The following LUZP1 variants were observed in gnomAD, a reference collection of about 807,000 sequenced individuals.
LUZP1 encodes the protein filamin mechanobinding actin cross-linking protein.
In LUZP1, 25 loss-of-function variants were observed where a neutral mutation model predicts 71.3. The ratio of observed to expected loss-of-function variants is 0.35; its 90% CI spans 0.26 to 0.49. LUZP1 has a LOEUF of 0.49. Among genes scored for constraint, LUZP1 ranks in the 20% least tolerant of loss-of-function variants. The pLI, the probability that LUZP1 is intolerant of heterozygous loss-of-function variation, is 0.99. For synonymous variants in LUZP1, 481 were observed against 506.4 expected (o/e 0.95, Z 0.67); for missense variants, 1,142 against 1,300.8 (o/e 0.88, Z 1.88).
At chr1:23,149,062 CAG>C (rs1049528286) in intron 2 of LUZP1, among the ~76,000 whole-genome samples, 1 of 105,032 alleles carries the variant, frequency 9.5e-6, no homozygotes, top group Non-Finnish European at 1.7e-5. Flanking sequence ...GCCCAGGTGA[CAG>C]AGTGACACCT....
chr1:23,143,938 T>C (rs12086118), intron 2 of LUZP1, among the ~76,000 whole-genome samples: 10 of 152,346 alleles, frequency 6.6e-5, no homozygotes, highest in African/African-American at 2.4e-4. Flanking sequence ...CCTAAAGCTC[T>C]CTTCCATTAC....
At chr1:23,136,423 G>A (rs369894607) in intron 2 of LUZP1, among the ~76,000 whole-genome samples, 2 of 151,656 alleles carry the variant, frequency 1.3e-5, no homozygotes, top group African/African-American at 4.8e-5. Flanking sequence ...CCTGTAGTAA[G>A]AACAAATGAG....
rs1463184417 is a variant in LUZP1, at chr1:23,117,497, C to A, written c.-225-8370G>T. 2.6e-3 allele frequency among the ~76,000 whole-genome samples: 153 copies of A among 59,750 alleles called. 3 individuals are homozygous for A. Among genetic ancestry groups the A allele is most frequent in the Non-Finnish European group, 3.9e-3 (129 of 33,382 alleles). 39.2% of individuals were successfully genotyped at this position (59,750 alleles called of 152,430 possible). ...TCTCTCCCCCCCCCCCCCCCACAATCAGGAAGCCCTGGGGGGGGGGGCGGG... is the reference window on the plus strand; with the variant it reads ...TCTCTCCCCCCCCCCCCCCCACAATAAGGAAGCCCTGGGGGGGGGGGCGGG... On this transcript the variant is annotated intron_variant, in intron 2 of 4. Transcript: ENST00000302291.
chr1:23,109,379 G>T (rs1644010050), intron 2 of LUZP1, among the ~76,000 whole-genome samples: 1 of 152,182 alleles, frequency 6.6e-6, no homozygotes, highest in Non-Finnish European at 1.5e-5. Context: ...TGGTCCTAGG[G>T]TAGAACCCAC....
chr1:23,115,021 C>T (rs1007467183), intron 2 of LUZP1, among the ~76,000 whole-genome samples: 1 of 152,194 alleles, frequency 6.6e-6, no homozygotes, highest in African/African-American at 2.4e-5. Context: ...TAAGTAGAGG[C>T]ATACCATTTG....
chr1:23,145,531 G>A (rs768591730), intron 2 of LUZP1, among the ~76,000 whole-genome samples: 80 of 149,106 alleles, frequency 5.4e-4, no homozygotes, highest in Non-Finnish European at 7.1e-4. Context: ...GTGCAATGGC[G>A]CAATCTCAGC....
intron 2 of LUZP1, among the ~76,000 whole-genome samples, chr1:23,117,403 A>G (rs1430069361): frequency 1.4e-5 from 2 of 140,132 alleles, no homozygotes; most frequent in Non-Finnish European, 3.1e-5. Flanking sequence ...TATACCCTAC[A>G]CATATTAATT....
At chr1:23,108,623 T>C (rs1170427511) in intron 3 of LUZP1, among the ~76,000 whole-genome samples, 1 of 152,150 alleles carries the variant, frequency 6.6e-6, no homozygotes, top group Admixed American at 6.5e-5. Context: ...AAGAAAATAA[T>C]GCAGGTTTGA....
intron 2 of LUZP1, among the ~76,000 whole-genome samples, chr1:23,165,984 A>G (rs1644506470): frequency 1.3e-5 from 2 of 150,718 alleles, no homozygotes; most frequent in African/African-American, 4.9e-5. Context: ...ATAAGTAAGC[A>G]CCTAGAGGCA....
chr1:23,135,438 T>C (rs1360425369), intron 2 of LUZP1, among the ~76,000 whole-genome samples: 1 of 152,120 alleles, frequency 6.6e-6, no homozygotes, highest in Admixed American at 6.6e-5. Flanking sequence ...TGGGGTGGAG[T>C]TGGGTAGACT....
At chr1:23,092,736 C>G (rs755167352) in exon 4 of LUZP1, 1 of 1,613,910 alleles carries the variant, frequency 6.2e-7, no homozygotes, top group East Asian at 2.2e-5. Flanking sequence ...ACTAAACGTT[C>G]GTGTTGTCTT....
At chr1:23,091,477 C>T in exon 4 of LUZP1, 1 of 1,614,168 alleles carries the variant, frequency 6.2e-7, no homozygotes, top group Non-Finnish European at 8.5e-7. Flanking sequence ...GATTTCAAGT[C>T]TCGCCTACTC....
At chr1:23,169,746 C>T (rs1644539142) in intron 1 of LUZP1, among the ~76,000 whole-genome samples, 1 of 152,178 alleles carries the variant, frequency 6.6e-6, no homozygotes, top group Non-Finnish European at 1.5e-5. Context: ...AAGACCCACA[C>T]CCAGCATAGT....
chr1:23,092,834 G>C, exon 4 of LUZP1: 1 of 1,613,884 alleles, frequency 6.2e-7, no homozygotes, highest in South Asian at 1.1e-5. Flanking sequence ...CCGGGGGGTA[G>C]CGACTCAGCA....
At chr1:23,084,005 A>AAAG (rs895348526), downstream of LUZP1, 15 of 152,280 alleles carry the variant, frequency 9.9e-5, no homozygotes, top group African/African-American at 3.1e-4. Flanking sequence ...ATAGAACACA[A>AAAG]AAGAGCTGAA....
chr1:23,164,247 G>A (rs1456169552), intron 2 of LUZP1, among the ~76,000 whole-genome samples: 1 of 152,160 alleles, frequency 6.6e-6, no homozygotes, highest in Non-Finnish European at 1.5e-5. Flanking sequence ...TCTAATCCCA[G>A]CACTTTGGGA....
In LUZP1 at chr1:23,101,336, A is replaced by G. The variant is rs150884677; in HGVS notation, c.-119-6956T>C. Among the ~76,000 whole-genome samples, 917 of 152,306 alleles carry G rather than the reference A, an allele frequency of 6.0e-3. 9 individuals are homozygous for G. The highest frequency in any genetic ancestry group is 0.02 in the African/African-American group (827 of 41,568). ...AACAGTAAGCTACTACTATTATTCT[A>G]TTCAGCTTTCACAATAACCTTATGG... On this transcript the variant is annotated intron_variant, in intron 3 of 4. Coordinates refer to ENST00000302291, the Ensembl canonical transcript of LUZP1.
intron 2 of LUZP1, among the ~76,000 whole-genome samples, chr1:23,118,580 A>G (rs1210239176): frequency 6.6e-6 from 1 of 152,202 alleles, no homozygotes; most frequent in African/African-American, 2.4e-5. Context: ...AGAAGAATGT[A>G]TGTGAAAGTA....
chr1:23,123,999 T>G (rs539396138), intron 2 of LUZP1, among the ~76,000 whole-genome samples: 15 of 152,008 alleles, frequency 9.9e-5, no homozygotes, highest in African/African-American at 3.6e-4. Flanking sequence ...CTTAGAGCAC[T>G]GAAGAAAAAG....
Sources: gnomAD v4.1 joint callset for allele counts (sites outside exome capture counted in the v4.1 genomes callset) on GRCh38, gnomAD v4.1.1 for gene constraint, MANE v1.5 for transcripts, NCBI Gene and HGNC (gene_info 2026-07-23, HGNC 2026-07-21) for gene names.